The following CREB5 variants were observed in gnomAD, a reference collection of about 807,000 sequenced individuals.
CREB5 encodes the protein cAMP responsive element binding protein 5.
A neutral mutation model predicts 57.1 loss-of-function variants in CREB5; 19 were observed. That is an observed-to-expected ratio of 0.33 (90% CI 0.23 to 0.49). The LOEUF is 0.49. Among genes scored for constraint, CREB5 ranks in the 20% least tolerant of loss-of-function variants. CREB5 has a pLI of 0.99. For missense variants in CREB5, 579 were observed against 671.6 expected (o/e 0.86, Z 1.52); for synonymous variants, 238 against 238.3 (o/e 1.00, Z 0.01).
At chr7:28,633,494 G>C (rs763926691) in intron 5 of CREB5, among the ~76,000 whole-genome samples, 1 of 152,130 alleles carries the variant, frequency 6.6e-6, no homozygotes, top group Non-Finnish European at 1.5e-5. Flanking sequence ...ATCTCATTCA[G>C]AGAAAAAGCA....
chr7:28,376,560 G>A lies in CREB5; in HGVS notation c.-25+77119G>A, dbSNP rs7803847. Among the ~76,000 whole-genome samples, 1,150 of 152,248 alleles carry A rather than the reference G, an allele frequency of 7.6e-3. 10 individuals are homozygous for A. The highest frequency in any genetic ancestry group is 0.026 in the African/African-American group (1,099 of 41,528). ...GTTGGTATTACAGGCACGAGCCACC[G>A]CACCTGGCCAGAGAAGTACCTTTAT... On this transcript the variant is annotated intron_variant, in intron 1 of 9. Coordinates refer to the CREB5 transcript ENST00000396299.
intron 5 of CREB5, among the ~76,000 whole-genome samples, chr7:28,674,934 G>A (rs187932723): frequency 1.1e-4 from 16 of 152,202 alleles, no homozygotes; most frequent in East Asian, 3.9e-4. Flanking sequence ...CCAGGTTACC[G>A]CTTTTCCCTC....
chr7:28,802,432 T>C (rs1054794786), intron 7 of CREB5, among the ~76,000 whole-genome samples: 5 of 152,190 alleles, frequency 3.3e-5, no homozygotes, highest in African/African-American at 1.2e-4. Flanking sequence ...TCATTAATAT[T>C]GTACAGTGTT....
At chr7:28,404,129 C>T (rs1358143398) in intron 1 of CREB5, among the ~76,000 whole-genome samples, 3 of 152,160 alleles carry the variant, frequency 2.0e-5, no homozygotes, top group Non-Finnish European at 4.4e-5. Flanking sequence ...GATGTGCACA[C>T]GTTCTGCCAA....
At chr7:28,385,243 T>A (rs1787063862) in intron 1 of CREB5, among the ~76,000 whole-genome samples, 1 of 152,170 alleles carries the variant, frequency 6.6e-6, no homozygotes, top group African/African-American at 2.4e-5. Flanking sequence ...GCAGCAGAAT[T>A]GGGCTTTTAA....
intron 5 of CREB5, among the ~76,000 whole-genome samples, chr7:28,695,952 G>T (rs1291030524): frequency 2.6e-5 from 4 of 152,092 alleles, no homozygotes; most frequent in Non-Finnish European, 1.5e-5. Context: ...AAAAAAAAGA[G>T]AGCAAAGGGT....
intron 7 of CREB5, among the ~76,000 whole-genome samples, chr7:28,796,753 C>CTGA: frequency 6.6e-6 from 1 of 152,326 alleles, no homozygotes; most frequent in Admixed American, 6.5e-5. Context: ...GATCCTTTCT[C>CTGA]TGATGAAATA....
intron 4 of CREB5, among the ~76,000 whole-genome samples, chr7:28,554,264 G>T (rs1201455125): frequency 6.6e-6 from 1 of 152,084 alleles, no homozygotes; most frequent in Non-Finnish European, 1.5e-5. Flanking sequence ...CATCTCTTTG[G>T]CCTCCACCTT....
chr7:28,509,479 T>C (rs1240186723), intron 4 of CREB5, among the ~76,000 whole-genome samples: 1 of 152,196 alleles, frequency 6.6e-6, no homozygotes, highest in Non-Finnish European at 1.5e-5. Context: ...GACTGCCAGG[T>C]TAACACAAAG....
At chr7:28,322,649 AC>A (rs1440068775) in intron 1 of CREB5, among the ~76,000 whole-genome samples, 1 of 128,850 alleles carries the variant, frequency 7.8e-6, no homozygotes, top group South Asian at 2.4e-4. Context: ...CCCTGTCTCC[AC>A]ATGTTCTCAT....
chr7:28,630,139 T>A (rs565841442), intron 5 of CREB5, among the ~76,000 whole-genome samples: 1 of 152,338 alleles, frequency 6.6e-6, no homozygotes, highest in Non-Finnish European at 1.5e-5. Flanking sequence ...GTACTACTTC[T>A]ATGGAGCCAG....
At chr7:28,420,293 G>A (rs374985799) in intron 1 of CREB5, among the ~76,000 whole-genome samples, 7 of 152,170 alleles carry the variant, frequency 4.6e-5, no homozygotes, top group Admixed American at 1.3e-4. Context: ...AAGCACAAAC[G>A]TGGTTGTATC....
intron 5 of CREB5, among the ~76,000 whole-genome samples, chr7:28,715,999 G>GA (rs1181295740): frequency 6.6e-6 from 1 of 152,158 alleles, no homozygotes; most frequent in Non-Finnish European, 1.5e-5. Context: ...TGAATTAAAT[G>GA]AAACATACCA....
intron 4 of CREB5, among the ~76,000 whole-genome samples, chr7:28,560,869 C>CGCGTGCGTGCGTGCGT (rs1369015394): frequency 3.5e-5 from 1 of 28,604 alleles, no homozygotes; most frequent in Non-Finnish European, 6.1e-5. Context: ...CGTGTGCCTG[C>CGCGTGCGTGCGTGCGT]GTGCGCGTGC....
At position 28,809,181 on chromosome 7, in the gene CREB5, C is replaced by T. The variant is rs758563263; in HGVS notation, c.1027-6C>T. 6.2e-7 allele frequency: 1 copy of T among 1,606,450 alleles called. No individual in the cohort carries two copies. The highest frequency in any genetic ancestry group is 1.1e-5 in the South Asian group (1 of 90,020). On this transcript the variant is annotated splice_polypyrimidine_tract_variant and splice_region_variant and intron_variant, in intron 8 of 10. Transcript: ENST00000357727. The stretch of plus-strand genomic sequence containing the variant: ...CCCATCACCTCCTCCCTCTCTGGCC[C>T]AGCAGGTTTCACCAGCAACACAACA...
intron 1 of CREB5, among the ~76,000 whole-genome samples, chr7:28,339,673 G>A (rs76433255): frequency 0.013 from 1,933 of 152,288 alleles, 48 homozygotes; most frequent in African/African-American, 0.044. Context: ...CTAGGGCTAT[G>A]CAATTAGCAG....
At chr7:28,480,287 A>G (rs1791268544) in intron 1 of CREB5, among the ~76,000 whole-genome samples, 1 of 152,154 alleles carries the variant, frequency 6.6e-6, no homozygotes, top group Non-Finnish European at 1.5e-5. Context: ...TATACTGCTG[A>G]CCTTTTTCTT....
intron 1 of CREB5, among the ~76,000 whole-genome samples, chr7:28,441,081 C>G (rs1171758692): frequency 6.6e-6 from 1 of 152,138 alleles, no homozygotes; most frequent in Non-Finnish European, 1.5e-5. Context: ...CTTAACTCAT[C>G]AAAATGTTGT....
At chr7:28,817,249 C>G (rs753499475) in intron 9 of CREB5, among the ~76,000 whole-genome samples, 2 of 152,140 alleles carry the variant, frequency 1.3e-5, no homozygotes, top group Non-Finnish European at 2.9e-5. Flanking sequence ...CCACCCTGAG[C>G]TGACATCATC....
Sources: gnomAD v4.1 joint callset for allele counts (sites outside exome capture counted in the v4.1 genomes callset) on GRCh38, gnomAD v4.1.1 for gene constraint, MANE v1.5 for transcripts, NCBI Gene and HGNC (gene_info 2026-07-23, HGNC 2026-07-21) for gene names.